CTNND2: variants seen among roughly 807,000 people sequenced by gnomAD.
CTNND2 encodes the protein catenin delta 2.
Under a neutral mutation model 144.4 loss-of-function variants are expected in CTNND2, and 22 were observed. The ratio of observed to expected loss-of-function variants is 0.15; its 90% confidence interval spans 0.11 to 0.22. CTNND2 has a LOEUF of 0.22. Among genes scored for constraint, CTNND2 ranks in the 10% least tolerant of loss-of-function variants. The pLI is 1.00. For synonymous variants in CTNND2, 751 were observed against 695.6 expected (o/e 1.08, Z -1.25); for missense variants, 1,353 against 1,618.8 (o/e 0.84, Z 2.82).
chr5:11,086,583 A>G (rs1315355962), intron 15 of CTNND2, among the ~76,000 whole-genome samples: 1 of 152,210 alleles, frequency 6.6e-6, no homozygotes, highest in Non-Finnish European at 1.5e-5. Flanking sequence ...GAGGGCTCAG[A>G]GATGAACCTG....
At chr5:11,429,209 C>A (rs1204980869) in intron 3 of CTNND2, among the ~76,000 whole-genome samples, 2 of 152,118 alleles carry the variant, frequency 1.3e-5, no homozygotes, top group Non-Finnish European at 2.9e-5. Flanking sequence ...TAAACTCTGT[C>A]CATCCTATAA....
chr5:11,179,440 GA>G (rs769278757), intron 11 of CTNND2, among the ~76,000 whole-genome samples: 23 of 151,898 alleles, frequency 1.5e-4, no homozygotes, highest in Non-Finnish European at 3.2e-4. Flanking sequence ...TATTTATCTC[GA>G]ACTCCTGACC....
intron 14 of CTNND2, among the ~76,000 whole-genome samples, chr5:11,109,437 A>G (rs1046606725): frequency 6.6e-6 from 1 of 152,190 alleles, no homozygotes; most frequent in Non-Finnish European, 1.5e-5. Flanking sequence ...GACATGCAGA[A>G]TATTATAGTG....
intron 2 of CTNND2, among the ~76,000 whole-genome samples, chr5:11,660,460 T>C (rs1379332713): frequency 6.6e-6 from 1 of 152,064 alleles, no homozygotes; most frequent in Non-Finnish European, 1.5e-5. Context: ...ATGCCTAATG[T>C]TGAAAGAGGA....
At chr5:11,016,676 C>T (rs913464485) in intron 18 of CTNND2, among the ~76,000 whole-genome samples, 1 of 152,218 alleles carries the variant, frequency 6.6e-6, no homozygotes, top group African/African-American at 2.4e-5. Context: ...GAAGCCCAGG[C>T]ACCCTTCTGT....
intron 9 of CTNND2, among the ~76,000 whole-genome samples, chr5:11,281,920 A>G (rs1416659380): frequency 6.6e-6 from 1 of 152,226 alleles, no homozygotes; most frequent in Non-Finnish European, 1.5e-5. Context: ...AGCATAACAC[A>G]GGTCAGCCCA....
chr5:11,422,478 G>T (rs1273784522), intron 3 of CTNND2, among the ~76,000 whole-genome samples: 1 of 152,118 alleles, frequency 6.6e-6, no homozygotes, highest in Non-Finnish European at 1.5e-5. Context: ...AGCTAATTTT[G>T]TTGGCACTGG....
intron 5 of CTNND2, among the ~76,000 whole-genome samples, chr5:11,398,673 T>G (rs1306527715): frequency 6.6e-6 from 1 of 152,042 alleles, no homozygotes; most frequent in Non-Finnish European, 1.5e-5. Flanking sequence ...ACAAATGCAA[T>G]CCCTTCACTT....
At chr5:11,725,485 A>G (rs1329125917) in intron 2 of CTNND2, among the ~76,000 whole-genome samples, 2 of 152,194 alleles carry the variant, frequency 1.3e-5, no homozygotes, top group African/African-American at 4.8e-5. Flanking sequence ...AGAGAATACT[A>G]TCTAACTTGA....
At chr5:11,889,973 C>A (rs2127094650) in intron 1 of CTNND2, among the ~76,000 whole-genome samples, 1 of 152,220 alleles carries the variant, frequency 6.6e-6, no homozygotes, top group Non-Finnish European at 1.5e-5. Flanking sequence ...TAGACAGTAC[C>A]TTCAATTTAA....
chr5:11,162,882 G>T (rs1185040136), intron 11 of CTNND2, among the ~76,000 whole-genome samples: 1 of 118,126 alleles, frequency 8.5e-6, no homozygotes, highest in Non-Finnish European at 1.7e-5. Flanking sequence ...CATCTTTCCT[G>T]CTACACACAC....
chr5:11,085,490 T>C (rs1292861670), intron 15 of CTNND2, among the ~76,000 whole-genome samples: 1 of 152,180 alleles, frequency 6.6e-6, no homozygotes, highest in East Asian at 1.9e-4. Context: ...AAAGGATCCC[T>C]TCCTGCAGGT....
At chr5:11,426,077 C>T (rs1389246245) in intron 3 of CTNND2, among the ~76,000 whole-genome samples, 1 of 152,114 alleles carries the variant, frequency 6.6e-6, no homozygotes, top group African/African-American at 2.4e-5. Flanking sequence ...TCCATTGACC[C>T]CCACCCTCCT....
intron 2 of CTNND2, among the ~76,000 whole-genome samples, chr5:11,604,320 G>A (rs528664880): frequency 7.9e-5 from 12 of 152,206 alleles, no homozygotes; most frequent in Non-Finnish European, 1.3e-4. Context: ...ACTTGCTGCC[G>A]TGAGTTGGAC....
rs565542505 is a variant in CTNND2 at position 11,238,111 on chromosome 5, G to T, written c.1629-1288C>A. On this transcript the variant is annotated intron_variant, in intron 9 of 21. Coordinates refer to ENST00000304623, the MANE Select transcript of CTNND2 (RefSeq NM_001332.4). ...TCTAAAACATTATCTTGATTGTACTGTCATACAAAGAAATATTCTTTTATT... is the reference window on the plus strand; with the variant it reads ...TCTAAAACATTATCTTGATTGTACTTTCATACAAAGAAATATTCTTTTATT... 2.0e-5 allele frequency among the ~76,000 whole-genome samples: 3 copies of T among 152,226 alleles called. No individual in the cohort carries two copies. In the South Asian group the frequency reaches 6.2e-4, roughly 32 times the overall value.
intron 2 of CTNND2, among the ~76,000 whole-genome samples, chr5:11,630,225 G>C (rs889337972): frequency 9.9e-5 from 15 of 152,252 alleles, no homozygotes; most frequent in African/African-American, 3.4e-4. Context: ...GGATCTCCTA[G>C]CTCTTTCAAC....
At chr5:10,978,898 G>A (rs1012940378) in intron 21 of CTNND2, among the ~76,000 whole-genome samples, 5 of 152,158 alleles carry the variant, frequency 3.3e-5, no homozygotes, top group Non-Finnish European at 7.3e-5. Flanking sequence ...TAAAAAGAAG[G>A]TGCCCCTTAG....
intron 15 of CTNND2, among the ~76,000 whole-genome samples, chr5:11,091,918 G>A (rs1750813616): frequency 6.6e-6 from 1 of 152,138 alleles, no homozygotes; most frequent in East Asian, 1.9e-4. Flanking sequence ...GGAGTCCTCT[G>A]CACATCTCTA....
intron 3 of CTNND2, among the ~76,000 whole-genome samples, chr5:11,442,103 A>C (rs1581204638): frequency 6.6e-6 from 1 of 152,344 alleles, no homozygotes; most frequent in East Asian, 1.9e-4. Context: ...TAGTTTAAAA[A>C]ATTCACATCA....
Sources: allele counts gnomAD v4.1 joint callset (sites outside exome capture counted in the v4.1 genomes callset), GRCh38; gene constraint gnomAD v4.1.1; transcripts MANE v1.5; gene names NCBI Gene and HGNC (gene_info 2026-07-23, HGNC 2026-07-21).